The following RPSA2 variants were observed in gnomAD, a reference collection of about 807,000 sequenced individuals.
The protein encoded by RPSA2 is ribosomal protein SA 2.
At chr19:23,765,396 C>T in the RPSA2 span, among the ~76,000 whole-genome samples, 9 of 152,086 alleles carry the variant, frequency 5.9e-5, no homozygotes, top group Admixed American at 2.0e-4. Flanking sequence ...ACCTAAATGC[C>T]TATCAGTGAT....
the RPSA2 span, among the ~76,000 whole-genome samples, chr19:23,775,468 A>G: frequency 6.6e-6 from 1 of 152,180 alleles, no homozygotes; most frequent in African/African-American, 2.4e-5. Flanking sequence ...TCTCCCAGCC[A>G]CAAAAGATTG....
At chr19:23,786,255 G>T in the RPSA2 span, among the ~76,000 whole-genome samples, 1 of 152,166 alleles carries the variant, frequency 6.6e-6, no homozygotes, top group Non-Finnish European at 1.5e-5. Context: ...AGAAAATGTG[G>T]TGATTCTCTT....
the RPSA2 span, among the ~76,000 whole-genome samples, chr19:23,840,819 G>A: frequency 4.7e-5 from 7 of 150,342 alleles, no homozygotes; most frequent in South Asian, 6.3e-4. Context: ...AAAATTAGCC[G>A]GACACTGTGG....
the RPSA2 span, among the ~76,000 whole-genome samples, chr19:23,858,189 C>T: frequency 1.4e-5 from 2 of 140,372 alleles, no homozygotes; most frequent in Non-Finnish European, 1.5e-5. Context: ...TCTCAGAAAA[C>T]AATTATTTTT....
chr19:23,825,367 A>C, the RPSA2 span, among the ~76,000 whole-genome samples: 1 of 152,208 alleles, frequency 6.6e-6, no homozygotes, highest in African/African-American at 2.4e-5. Context: ...TATTTATTAT[A>C]ATTATGCATG....
the RPSA2 span, among the ~76,000 whole-genome samples, chr19:23,838,812 CAGTG>C: frequency 6.6e-6 from 1 of 151,996 alleles, no homozygotes; most frequent in Non-Finnish European, 1.5e-5. Context: ...TTTCATTTCT[CAGTG>C]AGGTTATTTG....
chr19:23,852,207 T>C, the RPSA2 span, among the ~76,000 whole-genome samples: 1 of 152,162 alleles, frequency 6.6e-6, no homozygotes, highest in Non-Finnish European at 1.5e-5. Flanking sequence ...ACTGTGGAGA[T>C]GGGAATCTTC....
chr19:23,832,493 T>C, the RPSA2 span: 1 of 528,726 alleles, frequency 1.9e-6, no homozygotes, highest in Non-Finnish European at 3.4e-6. Context: ...TGGCAAACCT[T>C]TTAGCCAAAA....
the RPSA2 span, among the ~76,000 whole-genome samples, chr19:23,841,073 T>C: frequency 6.6e-6 from 1 of 152,072 alleles, no homozygotes; most frequent in Non-Finnish European, 1.5e-5. Flanking sequence ...TATGTTTTTT[T>C]GGCCAGTAAT....
the RPSA2 span, among the ~76,000 whole-genome samples, chr19:23,830,026 T>C: frequency 2.7e-5 from 4 of 146,044 alleles, no homozygotes; most frequent in African/African-American, 1.0e-4. Context: ...CAATATACTT[T>C]TTTAGAATTT....
the RPSA2 span, chr19:23,832,246 T>C: frequency 6.7e-6 from 3 of 447,634 alleles, no homozygotes; most frequent in South Asian, 5.2e-5. Context: ...TGGCAAAGCG[T>C]TTACCCAGTT....
the RPSA2 span, among the ~76,000 whole-genome samples, chr19:23,826,645 G>A: frequency 6.6e-6 from 1 of 151,850 alleles, no homozygotes. Flanking sequence ...ATTTATAGTT[G>A]GTAGAATATT....
At chr19:23,781,078 G>A in the RPSA2 span, among the ~76,000 whole-genome samples, 2 of 152,124 alleles carry the variant, frequency 1.3e-5, no homozygotes, top group African/African-American at 4.8e-5. Flanking sequence ...AGGTTCAAGC[G>A]ATTCTTTCAC....
At chr19:23,837,650 G>A in the RPSA2 span, among the ~76,000 whole-genome samples, 59 of 152,016 alleles carry the variant, frequency 3.9e-4, no homozygotes, top group Non-Finnish European at 7.4e-4. Flanking sequence ...GCGGTGTTTT[G>A]TAGTTTTCCT....
the RPSA2 span, among the ~76,000 whole-genome samples, chr19:23,808,295 A>T: frequency 2.0e-4 from 3 of 15,190 alleles, no homozygotes; most frequent in East Asian, 3.0e-3. Context: ...TTGGAGATGG[A>T]GTCTTGCTCT....
chr19:23,842,513 C>T, the RPSA2 span: 4 of 136,452 alleles, frequency 2.9e-5, no homozygotes, highest in Admixed American at 1.6e-4. Flanking sequence ...CTGCCCATGA[C>T]CACTTGCTAA....
chr19:23,787,260 CAG>C, the RPSA2 span, among the ~76,000 whole-genome samples: 1 of 152,022 alleles, frequency 6.6e-6, no homozygotes, highest in Non-Finnish European at 1.5e-5. Context: ...GTGTGACACT[CAG>C]GGGATGTAAT....
At chr19:23,860,203 A>T in the RPSA2 span, among the ~76,000 whole-genome samples, 1 of 152,152 alleles carries the variant, frequency 6.6e-6, no homozygotes, top group African/African-American at 2.4e-5. Flanking sequence ...CCCCCATCAT[A>T]ATTCTAAGCA....
the RPSA2 span, among the ~76,000 whole-genome samples, chr19:23,834,123 T>C: frequency 2.6e-5 from 4 of 152,074 alleles, no homozygotes; most frequent in African/African-American, 7.2e-5. Context: ...GTTTAGACAC[T>C]ACTGTAAATC....
Sources: gnomAD v4.1 joint callset for allele counts (sites outside exome capture counted in the v4.1 genomes callset) on GRCh38, gnomAD v4.1.1 for gene constraint, MANE v1.5 for transcripts, NCBI Gene and HGNC (gene_info 2026-07-23, HGNC 2026-07-21) for gene names.